The following NUP214 variants were observed in gnomAD, a reference collection of about 807,000 sequenced individuals.
The protein encoded by NUP214 is nucleoporin 214, also known as nuclear pore complex protein Nup214.
A neutral mutation model predicts 196.2 loss-of-function variants in NUP214; 79 were observed. That is an observed-to-expected ratio of 0.40 (90% CI 0.34 to 0.49). NUP214 has a LOEUF of 0.49. Ranked by LOEUF, NUP214 falls within the 20% of genes least tolerant of loss-of-function variation. The probability of loss-of-function intolerance (pLI) is 0.58; values close to 1 mark genes in which losing one functional copy is unlikely to be tolerated. For missense variants in NUP214, 2,468 were observed against 2,539.0 expected (o/e 0.97, Z 0.60); for synonymous variants, 1,020 against 990.5 (o/e 1.03, Z -0.56).
rs2296709 is a variant in NUP214, at chr9:131,195,640, G to A, written c.3721+346G>A. On this transcript the variant is annotated intron_variant, in intron 28 of 35. Coordinates refer to ENST00000359428, the MANE Select transcript of NUP214 (RefSeq NM_005085.4). ...GATTCTGTAGGGCAAGATAGACATG[G>A]TAATAGATAGACTGTAGAAATGAAA... The A allele has an allele frequency of 3.3e-4, 73 of 223,162 alleles. No homozygotes were observed. In the East Asian group the frequency reaches 8.6e-3, roughly 26 times the overall value. The allele number at this position is 223,162 out of a possible 1,614,324, so 13.8% of individuals were successfully genotyped here. A position where few individuals can be genotyped will look rare whatever the true frequency, so the allele number is the denominator to read the frequency against.
chr9:131,190,002 T>C (rs1833554547), intron 26 of NUP214: 1 of 167,222 alleles, frequency 6.0e-6, no homozygotes, highest in Non-Finnish European at 1.3e-5. Flanking sequence ...AATCATACAG[T>C]CATTCTGACT....
chr9:131,156,603 GGTT>G (rs1832456612), intron 17 of NUP214, among the ~76,000 whole-genome samples: 2 of 151,196 alleles, frequency 1.3e-5, no homozygotes, highest in African/African-American at 2.4e-5. Context: ...TTATAAAAGG[GGTT>G]GTTGTTTATT....
intron 17 of NUP214, among the ~76,000 whole-genome samples, chr9:131,153,650 T>C (rs1832340313): frequency 6.6e-6 from 1 of 152,226 alleles, no homozygotes; most frequent in Admixed American, 6.5e-5. Context: ...TTCATGGTGC[T>C]AAGTAGATAA....
chr9:131,132,365 C>T (rs749147696), intron 5 of NUP214, among the ~76,000 whole-genome samples: 3 of 151,988 alleles, frequency 2.0e-5, no homozygotes, highest in Admixed American at 1.3e-4. Context: ...CCACCTGCCT[C>T]GGCCTCCCAA....
chr9:131,194,418 T>C (rs1815217175), intron 27 of NUP214, among the ~76,000 whole-genome samples: 1 of 152,076 alleles, frequency 6.6e-6, no homozygotes, highest in Non-Finnish European at 1.5e-5. Context: ...GTTTTTGTTT[T>C]GTAGAAACAG....
chr9:131,150,111 T>C (rs1832212156), intron 14 of NUP214: 2 of 479,730 alleles, frequency 4.2e-6, no homozygotes, highest in Non-Finnish European at 7.5e-6. Flanking sequence ...GTAAGTTCCA[T>C]AAGAGTTGGG....
At chr9:131,221,224 G>C (rs576469478) in intron 31 of NUP214, among the ~76,000 whole-genome samples, 1 of 152,194 alleles carries the variant, frequency 6.6e-6, no homozygotes, top group Non-Finnish European at 1.5e-5. Context: ...CTGTGGTACC[G>C]AGTTATGAGG....
At chr9:131,159,762 C>T (rs952863567) in intron 18 of NUP214, among the ~76,000 whole-genome samples, 2 of 151,826 alleles carry the variant, frequency 1.3e-5, no homozygotes, top group African/African-American at 4.8e-5. Context: ...GAGGCTGAGG[C>T]AGGAGAATCG....
rs751010525 is a variant in NUP214 at position 131,128,511 on chromosome 9, A to G, written c.393+28A>G. The stretch of plus-strand genomic sequence containing the variant: ...AAGCTACTGTTATACTGTGATGTCA[A>G]CATGAGAACCCTAAGCAGATTTCCT... On this transcript the variant is annotated intron_variant, in intron 3 of 35. Coordinates refer to ENST00000359428, the MANE Select transcript of NUP214 (RefSeq NM_005085.4). 51 of 1,579,158 alleles carry G rather than the reference A, an allele frequency of 3.2e-5. No homozygotes were observed. In the South Asian group the frequency reaches 5.2e-4, roughly 16 times the overall value.
At chr9:131,202,386 T>C (rs1554739304) in intron 30 of NUP214, among the ~76,000 whole-genome samples, 1 of 151,258 alleles carries the variant, frequency 6.6e-6, no homozygotes, top group Non-Finnish European at 1.5e-5. Flanking sequence ...TATATGTGTG[T>C]ACACACACAC....
chr9:131,135,947 G>A lies in NUP214; in HGVS notation c.946G>A (p.Val316Met). The A allele has an allele frequency of 6.2e-7, 1 of 1,613,684 alleles. No homozygotes were observed. The highest frequency in any genetic ancestry group is 1.1e-5 in the South Asian group (1 of 91,068). The change falls in exon 9 of 36, where the codon GTG becomes ATG. Residue 316 changes from valine (V) to methionine (M), a missense_variant. By Grantham distance (21) the Val-to-Met change is conservative. Coordinates refer to ENST00000359428, the MANE Select transcript of NUP214 (RefSeq NM_005085.4). ...CTGGTTTTATTCTTTAAGGGATTTA[G>A]TGCTGGCAGCATCTGCGGCTTCAAC... ...YLSYIEEWDL[V>M]LAASAASTEV...
intron 30 of NUP214, among the ~76,000 whole-genome samples, chr9:131,214,457 G>C (rs774228738): frequency 2.0e-5 from 3 of 152,162 alleles, no homozygotes; most frequent in Non-Finnish European, 2.9e-5. Flanking sequence ...ATGCACAGTG[G>C]CCCCTTTCCA....
intron 6 of NUP214, 81 bp from the exon 7 acceptor site, chr9:131,133,025 G>A (rs1564177662): frequency 1.0e-6 from 1 of 1,000,578 alleles, no homozygotes; most frequent in East Asian, 2.4e-5. Flanking sequence ...ATCCATAGTG[G>A]CTATTCCAAA....
Position 131,148,357 on chromosome 9 carries a change from TC to T in NUP214, c.2040+775del, listed in dbSNP as rs1832145452. 2.6e-5 allele frequency among the ~76,000 whole-genome samples: 4 copies of T among 152,360 alleles called. No individual in the cohort carries two copies. In the South Asian group the frequency reaches 6.2e-4, roughly 24 times the overall value. ...GTGTGATTATATTACAACTATTTGT[TC>T]CACTCTGATGGGCGCTTGAGTAGTT... On this transcript the variant is annotated intron_variant, in intron 14 of 35. Transcript: ENST00000359428.
chr9:131,171,535 C>T (rs1459354923), intron 21 of NUP214, among the ~76,000 whole-genome samples: 2 of 136,876 alleles, frequency 1.5e-5, no homozygotes, highest in African/African-American at 5.4e-5. Flanking sequence ...TGTTATCTCA[C>T]AGGAAGATTT....
chr9:131,229,847 C>T (rs1834827322), intron 33 of NUP214: 1 of 480,932 alleles, frequency 2.1e-6, no homozygotes, highest in African/African-American at 2.0e-5. Context: ...GGTGGGAAGG[C>T]AGAGTTTTAG....
intron 30 of NUP214, among the ~76,000 whole-genome samples, chr9:131,212,293 T>C (rs1156583405): frequency 3.9e-5 from 6 of 152,210 alleles, no homozygotes; most frequent in African/African-American, 1.4e-4. Flanking sequence ...TCAGCAATTC[T>C]AATTTCACCC....
chr9:131,218,347 G>A lies in NUP214; in HGVS notation c.5749+2979G>A, dbSNP rs1003359728. 3.9e-5 allele frequency among the ~76,000 whole-genome samples: 6 copies of A among 152,172 alleles called. No homozygotes were observed. In the South Asian group the frequency reaches 6.2e-4, roughly 16 times the overall value. ...AGGAACAGTGGAGAAGGAAGAGCTGGGAGTCGTCTGGGGAAAGGCATTGTC... is the reference window on the plus strand; with the variant it reads ...AGGAACAGTGGAGAAGGAAGAGCTGAGAGTCGTCTGGGGAAAGGCATTGTC... On this transcript the variant is annotated intron_variant, in intron 31 of 35. Transcript: ENST00000359428.
In NUP214 at chr9:131,128,541, T is replaced by C. The variant is rs1403636884; in HGVS notation, c.393+58T>C. 12 of 1,453,396 alleles carry C rather than the reference T, an allele frequency of 8.3e-6. No homozygotes were observed. The Admixed American group carries it at 8.5e-5, about 10-fold the overall frequency. 90.0% of individuals were successfully genotyped at this position (1,453,396 alleles called of 1,614,324 possible). A position where few individuals can be genotyped will look rare whatever the true frequency, so the allele number is the denominator to read the frequency against. ...AGAACCCTAAGCAGATTTCCTTGTATTGAATTACAACTTGGAAGCTTCATA... is the reference window on the plus strand; with the variant it reads ...AGAACCCTAAGCAGATTTCCTTGTACTGAATTACAACTTGGAAGCTTCATA... On this transcript the variant is annotated intron_variant, in intron 3 of 35. Coordinates refer to ENST00000359428, the MANE Select transcript of NUP214 (RefSeq NM_005085.4).
Sources: allele counts gnomAD v4.1 joint callset (sites outside exome capture counted in the v4.1 genomes callset), GRCh38; gene constraint gnomAD v4.1.1; transcripts MANE v1.5; gene names NCBI Gene and HGNC (gene_info 2026-07-23, HGNC 2026-07-21).